ZFP36L2: variants seen among roughly 807,000 people sequenced by gnomAD.
ZFP36L2 encodes the protein ZFP36 like 2 zinc finger CCCH-type, also known as mRNA decay activator protein ZFP36L2.
Under a neutral mutation model 27.9 loss-of-function variants are expected in ZFP36L2, and 16 were observed. That is an observed-to-expected ratio of 0.57 (90% CI 0.39 to 0.87). The LOEUF (loss-of-function observed/expected upper bound fraction) is 0.87, where lower values mean the gene tolerates loss of function less well. Ranked by LOEUF, ZFP36L2 falls within the 40% of genes least tolerant of loss-of-function variation. The pLI, the probability that ZFP36L2 is intolerant of heterozygous loss-of-function variation, is 0.00. For missense variants in ZFP36L2, 989 were observed against 726.9 expected, an observed-to-expected ratio of 1.36 and a Z score of -4.15; for synonymous variants, 600 against 363.8, an observed-to-expected ratio of 1.65 and a Z score of -7.39.
Position 43,223,012 on chromosome 2 carries a change from G to A in ZFP36L2, c.*1307C>T, listed in dbSNP as rs573545563. 6.6e-6 allele frequency: 1 copy of A among 152,356 alleles called. No individual in the cohort carries two copies. The highest frequency in any genetic ancestry group is 2.4e-5 in the African/African-American group (1 of 41,530). The allele number at this position is 152,356 out of a possible 1,614,324, so 9.4% of individuals were successfully genotyped here. On this transcript the variant is annotated 3_prime_UTR_variant, in exon 2 of 2. Transcript: ENST00000282388. ...AAACACTTTTTTGCTAGTTTATAAA[G>A]TTGGAATTAGAAAAGCATGCCACAT...
Position 43,224,628 on chromosome 2 carries a change from G to T in ZFP36L2, c.1176C>A (p.Tyr392Ter). ...GCTGCTGCTGCTGCTGCTGACTGCGGTAGTAGGCGGCGGCGGCCACGGCGG... is the reference window on the plus strand; with the variant it reads ...GCTGCTGCTGCTGCTGCTGACTGCGTTAGTAGGCGGCGGCGGCCACGGCGG... ...NFAAVAAAAY[Y>*]RSQQQQQQQG... Residue 392 changes from tyrosine to a stop codon, truncating the protein, a stop_gained, in exon 2 of 2, where the codon TAC (tyrosine) becomes TAA (stop). Coordinates refer to ENST00000282388, the MANE Select transcript of ZFP36L2 (RefSeq NM_006887.5). LOFTEE classifies it high-confidence loss of function. The T allele has an allele frequency of 1.3e-6, 2 of 1,484,288 alleles. No individual in the cohort carries two copies. Among genetic ancestry groups the T allele is most frequent in the Non-Finnish European group, 8.9e-7 (1 of 1,118,836 alleles). The allele number at this position is 1,484,288 out of a possible 1,614,324, so 91.9% of individuals were successfully genotyped here.
At position 43,224,591 on chromosome 2, in the gene ZFP36L2, G is replaced by T; in HGVS notation, c.1213C>A (p.Pro405Thr). The change falls in exon 2 of 2, where the codon CCC becomes ACC. Residue 405 changes from proline to threonine, a missense_variant. Coordinates refer to ENST00000282388, the MANE Select transcript of ZFP36L2 (RefSeq NM_006887.5). ...GGCGGCGCCGGCGGCTGCGCGGGGGGCGCCAGGCCCTGCTGCTGCTGCTGC... is the reference window on the plus strand; with the variant it reads ...GGCGGCGCCGGCGGCTGCGCGGGGGTCGCCAGGCCCTGCTGCTGCTGCTGC... The part of the protein sequence containing the change: ...QQQQQQQGLA[P>T]PAQPPAPPSA... The T allele has an allele frequency of 1.5e-6, 2 of 1,356,384 alleles. No homozygotes were observed. The highest frequency in any genetic ancestry group is 2.5e-4 in the Middle Eastern group (1 of 4,078). 84.0% of individuals were successfully genotyped at this position (1,356,384 alleles called of 1,614,324 possible). A position where few individuals can be genotyped will look rare whatever the true frequency, so the allele number is the denominator to read the frequency against.
chr2:43,225,039 G>C lies in ZFP36L2; in HGVS notation c.765C>G (p.His255Gln). The change falls in exon 2 of 2, where the codon CAC becomes CAG. Residue 255 changes from histidine (H) to glutamine (Q), a missense_variant. His to Gln is a conservative substitution (Grantham distance 24). Coordinates refer to ENST00000282388, the MANE Select transcript of ZFP36L2 (RefSeq NM_006887.5). Reference protein sequence around the residue: ...GFPREPRPKLHHSLSFSGFPS... With the variant: ...GFPREPRPKLQHSLSFSGFPS... Reference sequence around the variant, plus strand: ...GGAAGCCCGAGAAGCTGAGGCTGTGGTGCAACTTGGGCCGCGGCTCCCGCG... The same window carrying C: ...GGAAGCCCGAGAAGCTGAGGCTGTGCTGCAACTTGGGCCGCGGCTCCCGCG... 1 of 1,595,740 alleles carries C rather than the reference G, an allele frequency of 6.3e-7. No individual in the cohort carries two copies. Among genetic ancestry groups the C allele is most frequent in the Non-Finnish European group, 8.5e-7 (1 of 1,178,632 alleles).
chr2:43,225,306 G>A lies in ZFP36L2; in HGVS notation c.498C>T (p.Gly166=). Residue 166 remains glycine (G), a synonymous_variant, in exon 2 of 2, where the codon GGC becomes GGT. Coordinates refer to ENST00000282388, the MANE Select transcript of ZFP36L2 (RefSeq NM_006887.5). The stretch of plus-strand genomic sequence containing the variant: ...GGCACTTTTCGCCGTACTTGCACGT[G>A]CCGCTCTCCTCGAAGGGCCGGCACA... ...TELCRPFEES[G]TCKYGEKCQF... is the part of the protein sequence containing the mutation. 3 of 1,612,902 alleles carry A rather than the reference G, an allele frequency of 1.9e-6. No individual in the cohort carries two copies. Among genetic ancestry groups the A allele is most frequent in the East Asian group, 2.2e-5 (1 of 44,884 alleles).
At position 43,225,354 on chromosome 2, in the gene ZFP36L2, G is replaced by A. The variant is rs764743775; in HGVS notation, c.450C>T (p.Asn150=). ...QQKGGGGSQI[N]STRYKTELCR... ...ACAGCTCGGTCTTGTAGCGCGTGGA[G>A]TTGATCTGGGAGCCGCCGCCCCCCT... Residue 150 remains asparagine (N), a synonymous_variant, in exon 2 of 2, where the codon AAC becomes AAT. Coordinates refer to ENST00000282388, the MANE Select transcript of ZFP36L2 (RefSeq NM_006887.5). 10 of 1,613,508 alleles carry A rather than the reference G, an allele frequency of 6.2e-6. No homozygotes were observed. The highest frequency in any genetic ancestry group is 2.2e-5 in the East Asian group (1 of 44,880).
chr2:43,226,581 C>G lies in ZFP36L2; in HGVS notation c.-266G>C. ...CGGCCCGCCCCCCCCGCGGAGCCGA[C>G]GGCAGCTCGCGGACTGCTGGAACTC... On this transcript the variant is annotated 5_prime_UTR_variant, in exon 1 of 2. Transcript: ENST00000282388. The G allele has an allele frequency of 1.2e-5, 6 of 486,236 alleles. No individual in the cohort carries two copies. The South Asian group carries it at 1.3e-4, about 11-fold the overall frequency. 30.1% of individuals were successfully genotyped at this position (486,236 alleles called of 1,614,324 possible).
chr2:43,224,397 G>A lies in ZFP36L2; in HGVS notation c.1407C>T (p.Leu469=), dbSNP rs377253509. ...YLSGSLSSGS[L]SGSESPSLDP... ...CGAGGCTGGGAGACTCAGAGCCGCTGAGGCTGCCGGAGCTCAGGGAGCCGC... is the reference window on the plus strand; with the variant it reads ...CGAGGCTGGGAGACTCAGAGCCGCTAAGGCTGCCGGAGCTCAGGGAGCCGC... The change falls in exon 2 of 2, where the codon CTC becomes CTT. Residue 469 remains leucine, a synonymous_variant. Coordinates refer to ENST00000282388, the MANE Select transcript of ZFP36L2 (RefSeq NM_006887.5). 39 of 1,560,428 alleles carry A rather than the reference G, an allele frequency of 2.5e-5. No homozygotes were observed. The Admixed American group carries it at 5.1e-4, about 21-fold the overall frequency.
Position 43,224,618 on chromosome 2 carries a change from G to T in ZFP36L2, c.1186C>A (p.Gln396Lys). 6.8e-7 allele frequency: 1 copy of T among 1,468,334 alleles called. No homozygotes were observed. Among genetic ancestry groups the T allele is most frequent in the South Asian group, 1.3e-5 (1 of 75,524 alleles). 91.0% of individuals were successfully genotyped at this position (1,468,334 alleles called of 1,614,324 possible). ...GCCAGGCCCTGCTGCTGCTGCTGCT[G>T]CTGACTGCGGTAGTAGGCGGCGGCG... Reference protein sequence around the residue: ...VAAAAYYRSQQQQQQQGLAPP... With the variant: ...VAAAAYYRSQKQQQQQGLAPP... The change falls in exon 2 of 2, where the codon CAG (glutamine) becomes AAG (lysine). Residue 396 changes from glutamine to lysine, a missense_variant. Gln to Lys is a moderately conservative substitution (Grantham distance 53). Transcript: ENST00000282388.
chr2:43,226,204 A>C (rs1193094371), intron 1 of ZFP36L2, 61 bp downstream of exon 1: 1 of 1,546,406 alleles, frequency 6.5e-7, no homozygotes, highest in African/African-American at 1.4e-5. Flanking sequence ...GAACCTGGGG[A>C]CAGAGGCAAA....
At position 43,224,982 on chromosome 2, in the gene ZFP36L2, G is replaced by C. The variant is rs746491242; in HGVS notation, c.822C>G (p.Leu274=). 3.2e-6 allele frequency: 5 copies of C among 1,582,882 alleles called. No homozygotes were observed. Among genetic ancestry groups the C allele is most frequent in the Non-Finnish European group, 3.4e-6 (4 of 1,175,138 alleles). Residue 274 remains leucine (L), a synonymous_variant, in exon 2 of 2, where the codon CTC becomes CTG. Transcript: ENST00000282388. ...GGCTGTCGAGCAGCAGCGGCGACTC[G>C]AGGCCGCCCGGGGGCTGATGGTGGC... The part of the protein sequence containing the change: ...PSGHHQPPGG[L]ESPLLLDSPT...
rs753764992 is a variant in ZFP36L2, at chr2:43,224,856, C to A, written c.948G>T (p.Ser316=). Residue 316 remains serine (S), a synonymous_variant, in exon 2 of 2, where the codon TCG becomes TCT. Transcript: ENST00000282388. ...CSSASAASTP[S]GAPTCCASAA... ...CGGAGGCGCAGCATGTCGGGGCGCC[C>A]GAGGGCGTGGAGGCCGCGGAGGCCG... 2.7e-6 allele frequency: 4 copies of A among 1,475,950 alleles called. No individual in the cohort carries two copies. The highest frequency in any genetic ancestry group is 2.6e-5 in the Admixed American group (1 of 38,006). 91.4% of individuals were successfully genotyped at this position (1,475,950 alleles called of 1,614,324 possible). A position where few individuals can be genotyped will look rare whatever the true frequency, so the allele number is the denominator to read the frequency against.
Position 43,224,646 on chromosome 2 carries a change from C to A in ZFP36L2, c.1158G>T (p.Val386=), listed in dbSNP as rs778339348. The part of the protein sequence containing the change: ...LAIQTHNFAA[V]AAAAYYRSQQ... ...GACTGCGGTAGTAGGCGGCGGCGGC[C>A]ACGGCGGCAAAGTTGTGGGTCTGGA... The change falls in exon 2 of 2, where the codon GTG becomes GTT. Residue 386 remains valine (V), a synonymous_variant. Coordinates refer to ENST00000282388, the MANE Select transcript of ZFP36L2 (RefSeq NM_006887.5). 21 of 1,504,314 alleles carry A rather than the reference C, an allele frequency of 1.4e-5. No homozygotes were observed. The highest frequency in any genetic ancestry group is 1.8e-5 in the Non-Finnish European group (20 of 1,130,326). 93.2% of individuals were successfully genotyped at this position (1,504,314 alleles called of 1,614,324 possible).
chr2:43,225,794 G>A (rs1210505508), intron 1 of ZFP36L2, 42 bp from the exon 2 acceptor site: 4 of 1,547,496 alleles, frequency 2.6e-6, no homozygotes, highest in African/African-American at 1.4e-5. Flanking sequence ...AAAAACGGAA[G>A]GGGAAGACAG....
In ZFP36L2 at chr2:43,222,802, T is replaced by C. The variant is rs1372696341; in HGVS notation, c.*1517A>G. The C allele has an allele frequency of 6.6e-6, 1 of 152,386 alleles. No individual in the cohort carries two copies. Among genetic ancestry groups the C allele is most frequent in the Non-Finnish European group, 1.5e-5 (1 of 68,042 alleles). The allele number at this position is 152,386 out of a possible 1,614,324, so 9.4% of individuals were successfully genotyped here. On this transcript the variant is annotated 3_prime_UTR_variant, in exon 2 of 2. Coordinates refer to ENST00000282388, the MANE Select transcript of ZFP36L2 (RefSeq NM_006887.5). Reference sequence around the variant, plus strand: ...AAAAAGTGGTAAAAATCTTTTCCTTTTGTGCAGTTGAACCCATCCTACATT... The same window carrying C: ...AAAAAGTGGTAAAAATCTTTTCCTTCTGTGCAGTTGAACCCATCCTACATT...
Position 43,225,343 on chromosome 2 carries a change from T to C in ZFP36L2, c.461A>G (p.Tyr154Cys). Residue 154 changes from tyrosine to cysteine, a missense_variant, in exon 2 of 2, where the codon TAC becomes TGC. Coordinates refer to ENST00000282388, the MANE Select transcript of ZFP36L2 (RefSeq NM_006887.5). ...GGGSQINSTR[Y>C]KTELCRPFEE... is the part of the protein sequence containing the mutation. ...GAAGGGCCGGCACAGCTCGGTCTTG[T>C]AGCGCGTGGAGTTGATCTGGGAGCC... is the stretch of plus-strand genomic sequence containing the variant. The C allele has an allele frequency of 6.2e-7, 1 of 1,613,430 alleles. No individual in the cohort carries two copies. Among genetic ancestry groups the C allele is most frequent in the Non-Finnish European group, 8.5e-7 (1 of 1,179,980 alleles).
Position 43,224,614 on chromosome 2 carries a change from TGC to T in ZFP36L2, c.1188_1189del (p.Gln397AlafsTer76). On this transcript the variant is annotated frameshift_variant, in exon 2 of 2. Coordinates refer to ENST00000282388, the MANE Select transcript of ZFP36L2 (RefSeq NM_006887.5). LOFTEE classifies it high-confidence loss of function. ...GGGCGCCAGGCCCTGCTGCTGCTGC[TGC>T]TGCTGACTGCGGTAGTAGGCGGCGG... 1 of 1,459,572 alleles carries T rather than the reference TGC, an allele frequency of 6.9e-7. No homozygotes were observed. 90.4% of individuals were successfully genotyped at this position (1,459,572 alleles called of 1,614,324 possible).
At position 43,225,304 on chromosome 2, in the gene ZFP36L2, G is replaced by A. The variant is rs2103976474; in HGVS notation, c.500C>T (p.Thr167Met). 2 of 1,612,738 alleles carry A rather than the reference G, an allele frequency of 1.2e-6. No homozygotes were observed. Among genetic ancestry groups the A allele is most frequent in the Non-Finnish European group, 1.7e-6 (2 of 1,179,960 alleles). The change falls in exon 2 of 2, where the codon ACG (threonine) becomes ATG (methionine). Residue 167 changes from threonine to methionine, a missense_variant. Thr to Met is a moderately conservative substitution (Grantham distance 81). Transcript: ENST00000282388. ...ELCRPFEESGTCKYGEKCQFA... is the reference protein window; with the variant it reads ...ELCRPFEESGMCKYGEKCQFA... ...CTGGCACTTTTCGCCGTACTTGCAC[G>A]TGCCGCTCTCCTCGAAGGGCCGGCA...
At position 43,226,513 on chromosome 2, in the gene ZFP36L2, G is replaced by T. The variant is rs888437252; in HGVS notation, c.-198C>A. The T allele has an allele frequency of 6.5e-6, 4 of 612,654 alleles. No individual in the cohort carries two copies. The highest frequency in any genetic ancestry group is 3.5e-5 in the Admixed American group (1 of 28,682). 38.0% of individuals were successfully genotyped at this position (612,654 alleles called of 1,614,324 possible). A position where few individuals can be genotyped will look rare whatever the true frequency, so the allele number is the denominator to read the frequency against. On this transcript the variant is annotated 5_prime_UTR_variant, in exon 1 of 2. Coordinates refer to ENST00000282388, the MANE Select transcript of ZFP36L2 (RefSeq NM_006887.5). ...GGGTCCGGCGGAGTGCGGCAGGGGG[G>T]AAGGAGAGAAGCGAGGAGCGCTCCT...
rs1469847894 is a variant in ZFP36L2 at position 43,225,674 on chromosome 2, G to A, written c.130C>T (p.Pro44Ser). The A allele has an allele frequency of 1.9e-6, 3 of 1,591,304 alleles. No individual in the cohort carries two copies. The African/African-American group carries it at 4.1e-5, about 21-fold the overall frequency. ...AATCCCGGCGCGAAGCCCGAGCTGG[G>A]GGCGGCGGCCACAGGCGTCCCCACC... ...KAVGTPVAAA[P>S]SSGFAPGFLR... The change falls in exon 2 of 2, where the codon CCC becomes TCC. Residue 44 changes from proline (P) to serine (S), a missense_variant. By Grantham distance (74) the Pro-to-Ser change is moderately conservative (BLOSUM62 -1). Coordinates refer to ENST00000282388, the MANE Select transcript of ZFP36L2 (RefSeq NM_006887.5).
Sources: allele counts gnomAD v4.1 joint callset, GRCh38; gene constraint gnomAD v4.1.1; transcripts MANE v1.5; gene names NCBI Gene and HGNC (gene_info 2026-07-23, HGNC 2026-07-21).